Variants in DYNC1I2 observed in about 807,000 individuals in gnomAD.
DYNC1I2 encodes the protein dynein cytoplasmic 1 intermediate chain 2.
In DYNC1I2, 53 loss-of-function variants were observed where a neutral mutation model predicts 88.6. The observed-to-expected ratio is 0.60, with a 90% confidence interval of 0.48 to 0.75. DYNC1I2 has a LOEUF of 0.75. Ranked by LOEUF, DYNC1I2 falls within the 30% of genes least tolerant of loss-of-function variation. The pLI is 0.00. For synonymous variants in DYNC1I2, 198 were observed against 254.6 expected (o/e 0.78, Z 2.12); for missense variants, 458 against 766.6 (o/e 0.60, Z 4.75).
chr2:171,712,721 A>T, intron 5 of DYNC1I2, 46 bp from the exon 6 acceptor site: 1 of 1,420,264 alleles, frequency 7.0e-7, no homozygotes, highest in Non-Finnish European at 9.9e-7. Flanking sequence ...TGACTAACTT[A>T]TGGCCTTTTT....
At chr2:171,720,604 C>T (rs930731208) in intron 7 of DYNC1I2, among the ~76,000 whole-genome samples, 1 of 152,110 alleles carries the variant, frequency 6.6e-6, no homozygotes, top group African/African-American at 2.4e-5. Flanking sequence ...TGTGTTGTCA[C>T]ATACTTGTAA....
Position 171,727,804 on chromosome 2 carries a change from A to G in DYNC1I2, c.997-17A>G, listed in dbSNP as rs1688347218. The G allele has an allele frequency of 6.2e-7, 1 of 1,606,232 alleles. No homozygotes were observed. The highest frequency in any genetic ancestry group is 1.1e-5 in the South Asian group (1 of 89,558). On this transcript the variant is annotated splice_polypyrimidine_tract_variant and intron_variant, in intron 11 of 17. Coordinates refer to ENST00000397119, the MANE Select transcript of DYNC1I2 (RefSeq NM_001378.3). ...TTCCATTTGAATCTCAAGTATAAAA[A>G]TCTTACTTATTTGCAGTCAGCTGTG...
intron 15 of DYNC1I2, among the ~76,000 whole-genome samples, chr2:171,742,487 G>A (rs1689512790): frequency 6.6e-6 from 1 of 152,040 alleles, no homozygotes; most frequent in Non-Finnish European, 1.5e-5. Flanking sequence ...TTATTCTTTT[G>A]CATATGTATA....
chr2:171,716,352 T>C (rs1317379260), intron 7 of DYNC1I2, among the ~76,000 whole-genome samples: 1 of 152,204 alleles, frequency 6.6e-6, no homozygotes, highest in Non-Finnish European at 1.5e-5. Context: ...GACTTTACCA[T>C]GTCAGAGTTT....
At chr2:171,695,539 A>G (rs1685706325) in intron 3 of DYNC1I2, among the ~76,000 whole-genome samples, 1 of 151,802 alleles carries the variant, frequency 6.6e-6, no homozygotes, top group Non-Finnish European at 1.5e-5. Flanking sequence ...CTATATACGT[A>G]TTTAGTCATT....
rs2292815 is a variant in DYNC1I2 at position 171,730,141 on chromosome 2, C to G, written c.1536+288C>G. Among the ~76,000 whole-genome samples, 40,467 of 152,026 alleles carry G rather than the reference C, an allele frequency of 0.27. 5,514 individuals carry two copies. Among genetic ancestry groups the G allele is most frequent in the African/African-American group, 0.3 (12,313 of 41,468 alleles). ...CCTGAACTGCACTGGGAAAAAAGCC[C>G]TGAGTATCTCGCATAGCACCTCATA... On this transcript the variant is annotated intron_variant, in intron 15 of 17. Coordinates refer to ENST00000397119, the MANE Select transcript of DYNC1I2 (RefSeq NM_001378.3).
chr2:171,689,882 C>CTTTTTTTTTTTTTTTTTTTTT (rs10716223), intron 1 of DYNC1I2, among the ~76,000 whole-genome samples: 1 of 54,156 alleles, frequency 1.8e-5, no homozygotes. Flanking sequence ...TTTTTCTTGC[C>CTTTTTTTTTTTTTTTTTTTTT]TTTTTTTTTT....
chr2:171,696,770 T>A (rs1430910286), intron 3 of DYNC1I2, among the ~76,000 whole-genome samples: 1 of 152,134 alleles, frequency 6.6e-6, no homozygotes, highest in Non-Finnish European at 1.5e-5. Flanking sequence ...CTCTCTATTT[T>A]CACTATGAAT....
At chr2:171,710,145 A>ACACACG (rs901536000) in intron 5 of DYNC1I2, among the ~76,000 whole-genome samples, 2 of 151,578 alleles carry the variant, frequency 1.3e-5, no homozygotes, top group Admixed American at 1.3e-4. Context: ...ACACACACAC[A>ACACACG]CACACACACA....
chr2:171,725,479 G>T, intron 7 of DYNC1I2, 139 bp from the exon 8 acceptor site: 1 of 567,686 alleles, frequency 1.8e-6, no homozygotes, highest in Admixed American at 3.7e-5. Context: ...CCGGTCAGTG[G>T]TTTACTTTTG....
At chr2:171,718,049 C>T (rs111564121) in intron 7 of DYNC1I2, among the ~76,000 whole-genome samples, 1,549 of 151,734 alleles carry the variant, frequency 0.01, 16 homozygotes, top group African/African-American at 0.033. Context: ...CTCCACCTCC[C>T]AGGTTCAAGT....
At chr2:171,741,284 C>T (rs1174357411) in intron 15 of DYNC1I2, among the ~76,000 whole-genome samples, 1 of 152,118 alleles carries the variant, frequency 6.6e-6, no homozygotes, top group Non-Finnish European at 1.5e-5. Context: ...TTTTATTTCT[C>T]TCGGGTATAT....
intron 3 of DYNC1I2, among the ~76,000 whole-genome samples, chr2:171,696,462 C>A (rs1235669585): frequency 6.6e-6 from 1 of 152,116 alleles, no homozygotes; most frequent in African/African-American, 2.4e-5. Flanking sequence ...GATACTCAAC[C>A]TGTATAACCC....
intron 3 of DYNC1I2, among the ~76,000 whole-genome samples, chr2:171,699,003 T>C (rs1205404082): frequency 1.3e-5 from 2 of 152,038 alleles, no homozygotes; most frequent in African/African-American, 2.4e-5. Flanking sequence ...CTGGCCTGCA[T>C]GTATTTTAAA....
intron 3 of DYNC1I2, among the ~76,000 whole-genome samples, chr2:171,703,487 C>T (rs780709138): frequency 2.0e-5 from 3 of 152,136 alleles, no homozygotes; most frequent in Non-Finnish European, 2.9e-5. Context: ...CTCAGTCCCC[C>T]AAAGTGCTGA....
intron 15 of DYNC1I2, 39 bp from the exon 16 acceptor site, chr2:171,744,010 A>G (rs776612831): frequency 1.3e-6 from 2 of 1,552,570 alleles, no homozygotes; most frequent in African/African-American, 2.8e-5. Context: ...TTTGTATGTC[A>G]TATATGGACT....
At chr2:171,698,467 C>T (rs529980553) in intron 3 of DYNC1I2, among the ~76,000 whole-genome samples, 117 of 152,236 alleles carry the variant, frequency 7.7e-4, no homozygotes, top group African/African-American at 2.7e-3. Flanking sequence ...TCCCTGCAAC[C>T]TCCGCCTCCC....
intron 5 of DYNC1I2, 56 bp from the exon 6 acceptor site, chr2:171,712,711 T>G: frequency 7.8e-7 from 1 of 1,289,538 alleles, no homozygotes; most frequent in South Asian, 1.2e-5. Context: ...TGTATTTGCT[T>G]GACTAACTTA....
Position 171,728,057 on chromosome 2 carries a change from A to T in DYNC1I2, c.1143+90A>T. 19 of 1,412,794 alleles carry T rather than the reference A, an allele frequency of 1.3e-5. No individual in the cohort carries two copies. The South Asian group carries it at 2.8e-4, about 21-fold the overall frequency. The allele number at this position is 1,412,794 out of a possible 1,614,324, so 87.5% of individuals were successfully genotyped here. On this transcript the variant is annotated intron_variant, in intron 12 of 17. Coordinates refer to ENST00000397119, the MANE Select transcript of DYNC1I2 (RefSeq NM_001378.3). ...TAGTGGCCATCAGAGTCATCTCAGA[A>T]TGTGCTTCCTTTGGTGTATGAATTC...
Sources: gnomAD v4.1 joint callset for allele counts (sites outside exome capture counted in the v4.1 genomes callset) on GRCh38, gnomAD v4.1.1 for gene constraint, MANE v1.5 for transcripts, NCBI Gene and HGNC (gene_info 2026-07-23, HGNC 2026-07-21) for gene names.